NUDT7: variants seen among roughly 807,000 people sequenced by gnomAD.
The protein encoded by NUDT7 is peroxisomal coenzyme A diphosphatase NUDT7.
A neutral mutation model predicts 13.1 loss-of-function variants in NUDT7; 19 were observed. The observed-to-expected ratio is 1.45, with a 90% CI of 1.01 to 2.13. The LOEUF (loss-of-function observed/expected upper bound fraction) is 2.13, where lower values mean the gene tolerates loss of function less well. Ranked by LOEUF, NUDT7 falls within the 30% of genes most tolerant of loss-of-function variation. The probability of loss-of-function intolerance (pLI) is 0.00; values close to 1 mark genes in which losing one functional copy is unlikely to be tolerated. For missense variants in NUDT7, 360 were observed against 291.7 expected (o/e 1.23, Z -1.71); for synonymous variants, 132 against 109.7 (o/e 1.20, Z -1.27).
At position 77,742,142 on chromosome 16, in the gene NUDT7, C is replaced by CT; in HGVS notation, c.*193dup. 1 of 1,303,220 alleles carries CT rather than the reference C, an allele frequency of 7.7e-7. No homozygotes were observed. Among genetic ancestry groups the CT allele is most frequent in the Non-Finnish European group, 9.8e-7 (1 of 1,018,942 alleles). The allele number at this position is 1,303,220 out of a possible 1,614,324, so 80.7% of individuals were successfully genotyped here. ...AGTAAAAGCCATTCAAAAATGAAAA[C>CT]TATGTTCATAGTGTTGCATATTTTC... On this transcript the variant is annotated 3_prime_UTR_variant, in exon 4 of 4. Transcript: ENST00000268533.
At chr16:77,736,786 G>A in intron 3 of NUDT7, 1 of 172,188 alleles carries the variant, frequency 5.8e-6, no homozygotes, top group South Asian at 1.3e-4. Flanking sequence ...CTTTCTATCG[G>A]TTCACCACAA....
intron 3 of NUDT7, 148 bp downstream of exon 3, chr16:77,736,134 A>G (rs1434941540): frequency 1.4e-6 from 1 of 726,270 alleles, no homozygotes. Context: ...ATTGCCCCTC[A>G]TGAGTCAAGT....
At chr16:77,724,258 T>A (rs1246355468) in intron 1 of NUDT7, among the ~76,000 whole-genome samples, 1 of 152,106 alleles carries the variant, frequency 6.6e-6, no homozygotes, top group African/African-American at 2.4e-5. Context: ...ATGTTTTTTC[T>A]TCTTTTATTT....
chr16:77,738,735 T>A (rs2014567343), intron 3 of NUDT7, among the ~76,000 whole-genome samples: 1 of 152,192 alleles, frequency 6.6e-6, no homozygotes, highest in Admixed American at 6.5e-5. Context: ...CCTATGTATG[T>A]ACCCGCTACA....
intron 2 of NUDT7, among the ~76,000 whole-genome samples, chr16:77,734,282 C>T (rs1301288905): frequency 6.6e-6 from 1 of 152,122 alleles, no homozygotes; most frequent in East Asian, 1.9e-4. Flanking sequence ...TATTTAACCT[C>T]TGTGAGCCTA....
At chr16:77,725,144 C>G (rs1167807782) in intron 1 of NUDT7, among the ~76,000 whole-genome samples, 1 of 152,142 alleles carries the variant, frequency 6.6e-6, no homozygotes, top group Non-Finnish European at 1.5e-5. Flanking sequence ...TTATGGGTTT[C>G]AAAATTCAAC....
intron 2 of NUDT7, among the ~76,000 whole-genome samples, chr16:77,727,592 C>T (rs991260687): frequency 2.6e-5 from 4 of 152,206 alleles, no homozygotes; most frequent in African/African-American, 4.8e-5. Context: ...CGGTGGCTCA[C>T]GCCTGTAATC....
At chr16:77,735,622 A>C in intron 2 of NUDT7, 1 of 603,192 alleles carries the variant, frequency 1.7e-6, no homozygotes, top group Non-Finnish European at 3.0e-6. Flanking sequence ...AAATAGAATA[A>C]AAGTTAGCAG....
chr16:77,736,213 C>A lies in NUDT7; in HGVS notation c.348+227C>A. ...CATCCAGAAATAAAAGGGTTGAACTCCCATCAGTGGATTTCAAACTGGATG... is the reference window on the plus strand; with the variant it reads ...CATCCAGAAATAAAAGGGTTGAACTACCATCAGTGGATTTCAAACTGGATG... On this transcript the variant is annotated intron_variant, in intron 3 of 3. Transcript: ENST00000268533. 5 of 473,274 alleles carry A rather than the reference C, an allele frequency of 1.1e-5. No homozygotes were observed. In the South Asian group the frequency reaches 1.9e-4, roughly 18 times the overall value. The allele number at this position is 473,274 out of a possible 1,614,324, so 29.3% of individuals were successfully genotyped here.
chr16:77,723,737 A>C (rs919831165), intron 1 of NUDT7, among the ~76,000 whole-genome samples: 3 of 151,866 alleles, frequency 2.0e-5, no homozygotes, highest in African/African-American at 7.3e-5. Flanking sequence ...GATTACAGGC[A>C]TGTGCCACGA....
intron 2 of NUDT7, among the ~76,000 whole-genome samples, chr16:77,726,518 T>C (rs2017083): frequency 0.23 from 35,544 of 151,974 alleles, 4,645 homozygotes; most frequent in African/African-American, 0.36. Flanking sequence ...TACCTGAGGC[T>C]GGGTATGGTG....
Position 77,725,092 on chromosome 16 carries a change from TAAC to T in NUDT7, c.36-336_36-334del. Among the ~76,000 whole-genome samples, 6 of 152,348 alleles carry T rather than the reference TAAC, an allele frequency of 3.9e-5. No homozygotes were observed. The South Asian group carries it at 1.2e-3, about 32-fold the overall frequency. Reference sequence around the variant, plus strand: ...AGGTAGTCTTCTAACCTTCTAACCTTAACAATGACTTTTTCATCAAACCTGTCT... The same window carrying T: ...AGGTAGTCTTCTAACCTTCTAACCTTAATGACTTTTTCATCAAACCTGTCT... On this transcript the variant is annotated intron_variant, in intron 1 of 3. Transcript: ENST00000268533.
At chr16:77,730,154 C>A (rs1286307791) in intron 2 of NUDT7, among the ~76,000 whole-genome samples, 1 of 152,184 alleles carries the variant, frequency 6.6e-6, no homozygotes, top group Non-Finnish European at 1.5e-5. Context: ...CACTTTATAT[C>A]CATTCAGCAA....
chr16:77,735,601 C>A, intron 2 of NUDT7: 1 of 584,946 alleles, frequency 1.7e-6, no homozygotes, highest in South Asian at 2.3e-5. Context: ...TGTGTGGTAT[C>A]TTTTGGGGAC....
At chr16:77,737,475 T>TG (rs1209910720) in intron 3 of NUDT7, 2 of 133,472 alleles carry the variant, frequency 1.5e-5, no homozygotes, top group Non-Finnish European at 3.3e-5. Context: ...CTTTTCATGG[T>TG]TTTTTTTTTG....
intron 2 of NUDT7, among the ~76,000 whole-genome samples, chr16:77,733,165 A>T (rs1376751090): frequency 6.6e-6 from 1 of 152,234 alleles, no homozygotes; most frequent in Non-Finnish European, 1.5e-5. Flanking sequence ...AAGCCTATAA[A>T]ATATCAAAAA....
chr16:77,727,110 C>A (rs1213914819), intron 2 of NUDT7, among the ~76,000 whole-genome samples: 1 of 152,062 alleles, frequency 6.6e-6, no homozygotes, highest in Non-Finnish European at 1.5e-5. Flanking sequence ...CAGTCACCTC[C>A]AACCAGACCC....
intron 2 of NUDT7, among the ~76,000 whole-genome samples, chr16:77,734,950 G>A (rs532377457): frequency 1.3e-3 from 198 of 152,216 alleles, no homozygotes; most frequent in African/African-American, 4.2e-3. Context: ...TGTATTAAAC[G>A]TCTCTGCTTT....
intron 2 of NUDT7, chr16:77,735,419 T>C (rs771185717): frequency 6.3e-5 from 40 of 635,760 alleles, no homozygotes; most frequent in African/African-American, 5.3e-5. Flanking sequence ...GCTCCTCCTT[T>C]ACCTTCCGCC....
Sources: gnomAD v4.1 joint callset for allele counts (sites outside exome capture counted in the v4.1 genomes callset) on GRCh38, gnomAD v4.1.1 for gene constraint, MANE v1.5 for transcripts, NCBI Gene and HGNC (gene_info 2026-07-23, HGNC 2026-07-21) for gene names.